The following AHNAK variants were observed in gnomAD, a reference collection of about 807,000 sequenced individuals.
AHNAK encodes AHNAK nucleoprotein, also known as neuroblast differentiation-associated protein AHNAK.
Under a neutral mutation model 37.8 loss-of-function variants are expected in AHNAK, and 23 were observed. The ratio of observed to expected loss-of-function variants is 0.61; its 90% CI spans 0.44 to 0.86. The LOEUF (loss-of-function observed/expected upper bound fraction) is 0.86. Ranked by LOEUF, AHNAK falls within the 40% of genes least tolerant of loss-of-function variation. AHNAK has a pLI of 0.00. For synonymous variants in AHNAK, 2,481 were observed against 2,636.3 expected (o/e 0.94, Z 1.80); for missense variants, 7,411 against 7,319.4 (o/e 1.01, Z -0.46).
At position 62,468,448 on chromosome 11, in the gene AHNAK, G is replaced by A. The variant is rs142804766; in HGVS notation, c.442+23284C>T. ...TAGGGTTGGGGTGCATAATGTATGG[G>A]CATGTGTGTACAGGTTGCTAAATAA... On this transcript the variant is annotated intron_variant, in intron 5 of 5. Coordinates refer to the AHNAK transcript ENST00000257247. Among the ~76,000 whole-genome samples, 24 of 152,118 alleles carry A rather than the reference G, an allele frequency of 1.6e-4. No homozygotes were observed. The East Asian group carries it at 4.4e-3, about 28-fold the overall frequency.
chr11:62,523,966 A>G lies in AHNAK; in HGVS notation c.10451T>C (p.Val3484Ala). The change falls in exon 5 of 5, where the codon GTG (valine) becomes GCG (alanine). Residue 3484 changes from valine to alanine, a missense_variant. Transcript: ENST00000378024. Reference protein sequence around the residue: ...MPKMKMPKFSVSGLKAEGPDV... With the variant: ...MPKMKMPKFSASGLKAEGPDV... ...TGGCCCTTCTGCTTTTAAGCCAGACACACTGAATTTGGGCATTTTCATCTT... is the reference window on the plus strand; with the variant it reads ...TGGCCCTTCTGCTTTTAAGCCAGACGCACTGAATTTGGGCATTTTCATCTT... 1 of 1,613,936 alleles carries G rather than the reference A, an allele frequency of 6.2e-7. No individual in the cohort carries two copies. The highest frequency in any genetic ancestry group is 1.3e-5 in the African/African-American group (1 of 74,926).
At chr11:62,501,200 CA>C (rs1285667960) in intron 4 of AHNAK, among the ~76,000 whole-genome samples, 80 of 129,372 alleles carry the variant, frequency 6.2e-4, no homozygotes, top group South Asian at 3.5e-3. Flanking sequence ...AGACCCCATC[CA>C]AAAAAAAAAA....
chr11:62,468,262 C>T (rs559702357), intron 5 of AHNAK, among the ~76,000 whole-genome samples: 89 of 151,798 alleles, frequency 5.9e-4, no homozygotes, highest in Non-Finnish European at 7.9e-4. Context: ...GCAGGAGAAT[C>T]GCTTGAACCT....
At chr11:62,499,483 G>A (rs1404680350) in intron 4 of AHNAK, among the ~76,000 whole-genome samples, 3 of 152,092 alleles carry the variant, frequency 2.0e-5, no homozygotes, top group East Asian at 1.9e-4. Context: ...CCCGGGAGGC[G>A]GAGGTTGTAG....
At chr11:62,468,371 A>C (rs57443489) in intron 5 of AHNAK, among the ~76,000 whole-genome samples, 1 of 149,470 alleles carries the variant, frequency 6.7e-6, no homozygotes, top group Non-Finnish European at 1.5e-5. Flanking sequence ...AAAAAAAAAA[A>C]ATATATATAT....
rs570713804 is a variant in AHNAK at position 62,489,324 on chromosome 11, C to T, written c.442+2408G>A. 1.1e-4 allele frequency among the ~76,000 whole-genome samples: 17 copies of T among 151,682 alleles called. No homozygotes were observed. The East Asian group carries it at 3.3e-3, about 29-fold the overall frequency. ...ACTAGGGTGTTGCTGGAGTGAAAAG[C>T]CCACATGGGAAGTGGTGCGGGCTGA... On this transcript the variant is annotated intron_variant, in intron 5 of 5. Coordinates refer to the AHNAK transcript ENST00000257247.
rs1165291280 is a variant in AHNAK, at chr11:62,532,594, G to C, written c.1823C>G (p.Pro608Arg). 6.2e-7 allele frequency: 1 copy of C among 1,614,062 alleles called. No individual in the cohort carries two copies. The highest frequency in any genetic ancestry group is 1.1e-5 in the South Asian group (1 of 91,062). The change falls in exon 5 of 5, where the codon CCC becomes CGC. Residue 608 changes from proline (P) to arginine (R), a missense_variant. By Grantham distance (103) the Pro-to-Arg change is moderately radical (BLOSUM62 -2). Transcript: ENST00000378024. Reference protein sequence around the residue: ...VKVPEVDVRGPKVDVSAPDVE... With the variant: ...VKVPEVDVRGRKVDVSAPDVE... ...ATCTGGGGCACTGACATCCACTTTG[G>C]GGCCTCTGACATCAACTTCAGGGAC...
chr11:62,467,600 G>T (rs567218309), intron 5 of AHNAK, among the ~76,000 whole-genome samples: 2 of 152,310 alleles, frequency 1.3e-5, no homozygotes, highest in East Asian at 3.9e-4. Flanking sequence ...CAGGAGAATT[G>T]CTTGAACCCG....
intron 5 of AHNAK, among the ~76,000 whole-genome samples, chr11:62,471,131 G>A (rs1939027370): frequency 6.6e-6 from 1 of 152,216 alleles, no homozygotes; most frequent in Non-Finnish European, 1.5e-5. Flanking sequence ...CACCTCAGAG[G>A]AGTCTTTTTC....
At chr11:62,436,873 A>G (rs1208316518) in intron 5 of AHNAK, among the ~76,000 whole-genome samples, 1 of 151,888 alleles carries the variant, frequency 6.6e-6, no homozygotes, top group Non-Finnish European at 1.5e-5. Context: ...CAGGAGGCGG[A>G]GCTTGCAGTG....
intron 5 of AHNAK, among the ~76,000 whole-genome samples, chr11:62,454,575 G>A (rs1356853246): frequency 1.3e-5 from 2 of 152,106 alleles, no homozygotes; most frequent in Non-Finnish European, 2.9e-5. Flanking sequence ...CCTCATTCCA[G>A]CAATATTTTC....
chr11:62,507,163 A>G (rs140134000), intron 4 of AHNAK, among the ~76,000 whole-genome samples: 2 of 152,300 alleles, frequency 1.3e-5, no homozygotes, highest in African/African-American at 2.4e-5. Flanking sequence ...GCAGAATGCT[A>G]TTAAAAGCAT....
intron 5 of AHNAK, among the ~76,000 whole-genome samples, chr11:62,451,313 C>G (rs1448769003): frequency 1.3e-5 from 2 of 151,058 alleles, no homozygotes; most frequent in Non-Finnish European, 3.0e-5. Flanking sequence ...CAGGACCCTC[C>G]TCATTCTCAG....
intron 4 of AHNAK, among the ~76,000 whole-genome samples, chr11:62,492,877 C>CAAAAAAAAAAAAAAAAA (rs367568428): frequency 8.6e-6 from 1 of 116,438 alleles, no homozygotes; most frequent in Non-Finnish European, 1.6e-5. Flanking sequence ...GACCCTGTCT[C>CAAAAAAAAAAAAAAAAA]AAAAAAAAAG....
chr11:62,521,069 G>T lies in AHNAK; in HGVS notation c.13348C>A (p.Pro4450Thr). ...GKLKGPKFKMPEMNIKAPKIS... is the reference protein window; with the variant it reads ...GKLKGPKFKMTEMNIKAPKIS... ...TTGGGAGCTTTGATGTTCATCTCAGGCATCTTAAATTTGGGCCCCTTCAAT... is the reference window on the plus strand; with the variant it reads ...TTGGGAGCTTTGATGTTCATCTCAGTCATCTTAAATTTGGGCCCCTTCAAT... The change falls in exon 5 of 5, where the codon CCT (proline) becomes ACT (threonine). Residue 4450 changes from proline to threonine, a missense_variant. By Grantham distance (38) the Pro-to-Thr change is conservative. Coordinates refer to ENST00000378024, the MANE Select transcript of AHNAK (RefSeq NM_001620.3). 1.9e-6 allele frequency: 3 copies of T among 1,614,026 alleles called. No individual in the cohort carries two copies. In the African/African-American group the frequency reaches 4.0e-5, roughly 22 times the overall value.
chr11:62,479,167 C>T lies in AHNAK; in HGVS notation c.442+12565G>A, dbSNP rs796915457. 8.9e-4 allele frequency among the ~76,000 whole-genome samples: 103 copies of T among 116,200 alleles called. No individual in the cohort carries two copies. The Middle Eastern group carries it at 0.016, about 18-fold the overall frequency. 76.2% of individuals were successfully genotyped at this position (116,200 alleles called of 152,430 possible). A position where few individuals can be genotyped will look rare whatever the true frequency, so the allele number is the denominator to read the frequency against. ...TTTCTTTTCTTTTTTTTTCTTTTTT[C>T]TTTTTTTTTTTTTTTTTGATACGGA... On this transcript the variant is annotated intron_variant, in intron 5 of 5. Transcript: ENST00000257247.
At position 62,533,291 on chromosome 11, in the gene AHNAK, T is replaced by C. The variant is rs750107752; in HGVS notation, c.1126A>G (p.Thr376Ala). The change falls in exon 5 of 5, where the codon ACT (threonine) becomes GCT (alanine). Residue 376 changes from threonine (T) to alanine (A), a missense_variant. Transcript: ENST00000378024. Reference protein sequence around the residue: ...LEGKLKGPQITGPSLEGDLGL... With the variant: ...LEGKLKGPQIAGPSLEGDLGL... ...AGGTCACCCTCAAGTGATGGCCCAG[T>C]GATTTGGGGGCCCTTCAGCTTCCCC... 6.5e-7 allele frequency: 1 copy of C among 1,529,442 alleles called. No homozygotes were observed. The highest frequency in any genetic ancestry group is 8.8e-7 in the Non-Finnish European group (1 of 1,142,768). The allele number at this position is 1,529,442 out of a possible 1,614,324, so 94.7% of individuals were successfully genotyped here.
At chr11:62,483,897 C>T (rs959808483) in intron 5 of AHNAK, among the ~76,000 whole-genome samples, 2 of 149,754 alleles carry the variant, frequency 1.3e-5, no homozygotes, top group Non-Finnish European at 3.0e-5. Flanking sequence ...ATTAGCCAGG[C>T]GCGGTGGCGG....
chr11:62,475,014 G>A lies in AHNAK; in HGVS notation c.442+16718C>T, dbSNP rs554720145. Reference sequence around the variant, plus strand: ...AGGGTCATCAGGGCACTTAAAAGGGGACCCTGGGCCGGGCACGGTGGCTCA... The same window carrying A: ...AGGGTCATCAGGGCACTTAAAAGGGAACCCTGGGCCGGGCACGGTGGCTCA... On this transcript the variant is annotated intron_variant, in intron 5 of 5. Coordinates refer to the AHNAK transcript ENST00000257247. Among the ~76,000 whole-genome samples, 4 of 152,174 alleles carry A rather than the reference G, an allele frequency of 2.6e-5. No individual in the cohort carries two copies. The South Asian group carries it at 8.3e-4, about 32-fold the overall frequency.
Sources: gnomAD v4.1 joint callset for allele counts (sites outside exome capture counted in the v4.1 genomes callset) on GRCh38, gnomAD v4.1.1 for gene constraint, MANE v1.5 for transcripts, NCBI Gene and HGNC (gene_info 2026-07-23, HGNC 2026-07-21) for gene names.